Variants in ZC3H6 observed in about 807,000 individuals in gnomAD.
ZC3H6 encodes the protein zinc finger CCCH domain-containing protein 6.
ZC3H6 carries 40 observed loss-of-function variants against 107.7 expected under a neutral mutation model. That is an observed-to-expected ratio of 0.37 (90% CI 0.29 to 0.48). The LOEUF is 0.48. Ranked by LOEUF, ZC3H6 falls within the 20% of genes least tolerant of loss-of-function variation. ZC3H6 has a pLI of 0.98. For synonymous variants in ZC3H6, 493 were observed against 487.9 expected (o/e 1.01, Z -0.14); for missense variants, 1,267 against 1,410.4 (o/e 0.90, Z 1.63).
chr2:112,320,094 G>T (rs1676773574), intron 7 of ZC3H6, among the ~76,000 whole-genome samples: 1 of 151,956 alleles, frequency 6.6e-6, no homozygotes. Context: ...CACCACGCCT[G>T]GCTAATTTTT....
chr2:112,286,608 T>C (rs1686616492), intron 1 of ZC3H6, among the ~76,000 whole-genome samples: 1 of 152,216 alleles, frequency 6.6e-6, no homozygotes, highest in South Asian at 2.1e-4. Context: ...CAGCTAAATT[T>C]TGCATTTTTG....
rs958659144 is a variant in ZC3H6, at chr2:112,333,813, G to A, written c.*1325G>A. On this transcript the variant is annotated 3_prime_UTR_variant, in exon 12 of 12. Transcript: ENST00000409871. Reference sequence around the variant, plus strand: ...GCATTTCACTATAAAAGATAATGAAGTAGGTAATGAAATCAGTCCTTGAAT... The same window carrying A: ...GCATTTCACTATAAAAGATAATGAAATAGGTAATGAAATCAGTCCTTGAAT... 2.0e-5 allele frequency: 3 copies of A among 152,076 alleles called. No homozygotes were observed. Among genetic ancestry groups the A allele is most frequent in the African/African-American group, 7.2e-5 (3 of 41,432 alleles). The allele number at this position is 152,076 out of a possible 1,614,324, so 9.4% of individuals were successfully genotyped here.
intron 11 of ZC3H6, among the ~76,000 whole-genome samples, chr2:112,328,039 G>A (rs1475569087): frequency 2.0e-5 from 3 of 152,026 alleles, no homozygotes; most frequent in Non-Finnish European, 4.4e-5. Context: ...ACAGATGTGC[G>A]CCACCATGCA....
chr2:112,325,119 G>A lies in ZC3H6; in HGVS notation c.2008G>A (p.Val670Ile). ...CCCTGCAGTGCAAAGAGCTCTTTTTGTAAGACTTACTCAGAGATACCAAGA... is the reference window on the plus strand; with the variant it reads ...CCCTGCAGTGCAAAGAGCTCTTTTTATAAGACTTACTCAGAGATACCAAGA... ...LLPAVQRALF[V>I]RLTQRYQEDE... The change falls in exon 11 of 12, where the codon GTA (valine) becomes ATA (isoleucine). Residue 670 changes from valine to isoleucine, a missense_variant. Coordinates refer to ENST00000409871, the MANE Select transcript of ZC3H6 (RefSeq NM_198581.3). 1 of 1,613,988 alleles carries A rather than the reference G, an allele frequency of 6.2e-7. No homozygotes were observed. Among genetic ancestry groups the A allele is most frequent in the Non-Finnish European group, 8.5e-7 (1 of 1,179,884 alleles).
rs1558942682 is a variant in ZC3H6, at chr2:112,276,045, C to T, written c.32+19C>T. 1.3e-6 allele frequency: 2 copies of T among 1,539,262 alleles called. No homozygotes were observed. Among genetic ancestry groups the T allele is most frequent in the Admixed American group, 2.0e-5 (1 of 49,926 alleles). ...ACGACAGGTCGGGAACCCTTCTTGT[C>T]TGTCTTTCTGTCGGATGAGAGGAGG... On this transcript the variant is annotated intron_variant, in intron 1 of 11. Coordinates refer to ENST00000409871, the MANE Select transcript of ZC3H6 (RefSeq NM_198581.3).
Position 112,284,980 on chromosome 2 carries a change from ATTT to A in ZC3H6, c.32+8956_32+8958del, listed in dbSNP as rs559519881. On this transcript the variant is annotated intron_variant, in intron 1 of 11. Transcript: ENST00000409871. ...AAATTAAATATAGTCTTTAGAAATG[ATTT>A]TGTTTAGTATAATTAATACTGGTAT... 3.4e-3 allele frequency among the ~76,000 whole-genome samples: 521 copies of A among 152,314 alleles called. 4 individuals are homozygous for A. Among genetic ancestry groups the A allele is most frequent in the African/African-American group, 0.012 (503 of 41,570 alleles).
At chr2:112,323,031 G>A (rs560390405) in intron 9 of ZC3H6, 129 bp downstream of exon 9, 62 of 971,430 alleles carry the variant, frequency 6.4e-5, no homozygotes, top group Non-Finnish European at 8.8e-5. Flanking sequence ...TGGCATGCAC[G>A]CAGATTGTTG....
intron 1 of ZC3H6, among the ~76,000 whole-genome samples, chr2:112,297,813 G>A (rs1048612610): frequency 6.6e-6 from 1 of 152,154 alleles, no homozygotes; most frequent in Non-Finnish European, 1.5e-5. Context: ...AGTGTTTGTT[G>A]GTAAGAATTA....
intron 4 of ZC3H6, among the ~76,000 whole-genome samples, chr2:112,310,998 A>G (rs1676582166): frequency 6.6e-6 from 1 of 152,250 alleles, no homozygotes; most frequent in African/African-American, 2.4e-5. Flanking sequence ...GTACTGAGCA[A>G]GTTTGTTCCT....
chr2:112,298,355 G>A (rs1676284187), intron 1 of ZC3H6, among the ~76,000 whole-genome samples: 1 of 152,042 alleles, frequency 6.6e-6, no homozygotes, highest in Admixed American at 6.6e-5. Context: ...AGTCATCAAA[G>A]AAAGTAAAAT....
intron 2 of ZC3H6, 146 bp from the exon 3 acceptor site, chr2:112,303,083 C>A: frequency 1.0e-6 from 1 of 993,440 alleles, no homozygotes; most frequent in Non-Finnish European, 1.4e-6. Flanking sequence ...GCCTTTGGGG[C>A]AAGAATTTTT....
rs1375959916 is a variant in ZC3H6 at position 112,338,396 on chromosome 2, T to C, written c.*5908T>C. 6.6e-6 allele frequency: 1 copy of C among 152,226 alleles called. No individual in the cohort carries two copies. Among genetic ancestry groups the C allele is most frequent in the African/African-American group, 2.4e-5 (1 of 41,460 alleles). The allele number at this position is 152,226 out of a possible 1,614,324, so 9.4% of individuals were successfully genotyped here. A position where few individuals can be genotyped will look rare whatever the true frequency, so the allele number is the denominator to read the frequency against. On this transcript the variant is annotated 3_prime_UTR_variant, in exon 12 of 12. Coordinates refer to ENST00000409871, the MANE Select transcript of ZC3H6 (RefSeq NM_198581.3). ...AATTTTGGGTCTTGTATCTGGTCTT[T>C]AAACACCTTTCGTTACCCTTTGGAA...
rs772630078 is a variant in ZC3H6, at chr2:112,338,422, T to A, written c.*5934T>A. On this transcript the variant is annotated 3_prime_UTR_variant, in exon 12 of 12. Coordinates refer to ENST00000409871, the MANE Select transcript of ZC3H6 (RefSeq NM_198581.3). ...AAACACCTTTCGTTACCCTTTGGAA[T>A]AGAACAATCATGCTACTGTTAGCAA... The A allele has an allele frequency of 6.6e-6, 1 of 152,242 alleles. No homozygotes were observed. Among genetic ancestry groups the A allele is most frequent in the East Asian group, 1.9e-4 (1 of 5,206 alleles). The allele number at this position is 152,242 out of a possible 1,614,324, so 9.4% of individuals were successfully genotyped here. A position where few individuals can be genotyped will look rare whatever the true frequency, so the allele number is the denominator to read the frequency against.
At chr2:112,305,733 C>T (rs1024966596) in intron 3 of ZC3H6, among the ~76,000 whole-genome samples, 5 of 152,276 alleles carry the variant, frequency 3.3e-5, no homozygotes, top group African/African-American at 1.2e-4. Flanking sequence ...CAAATTCTCT[C>T]AGTTTTTATT....
At chr2:112,276,106 C>T in intron 1 of ZC3H6, 80 bp downstream of exon 1, 2 of 1,347,982 alleles carry the variant, frequency 1.5e-6, no homozygotes, top group South Asian at 1.3e-5. Flanking sequence ...GGGCCGGGCG[C>T]CTCCTGCATG....
At chr2:112,290,391 C>T (rs989968916) in intron 1 of ZC3H6, among the ~76,000 whole-genome samples, 70 of 152,368 alleles carry the variant, frequency 4.6e-4, no homozygotes, top group Middle Eastern at 3.4e-3. Flanking sequence ...AGTTTATTTA[C>T]GACTTCCTCA....
At chr2:112,304,027 T>C (rs1676431719) in intron 3 of ZC3H6, among the ~76,000 whole-genome samples, 1 of 152,224 alleles carries the variant, frequency 6.6e-6, no homozygotes, top group Non-Finnish European at 1.5e-5. Flanking sequence ...TGTTTACATA[T>C]TATTTACATT....
chr2:112,304,087 A>C (rs1676432689), intron 3 of ZC3H6, among the ~76,000 whole-genome samples: 1 of 152,198 alleles, frequency 6.6e-6, no homozygotes, highest in East Asian at 1.9e-4. Flanking sequence ...ATAATGCCTG[A>C]GGGTTTCAAT....
Position 112,308,180 on chromosome 2 carries a change from G to A in ZC3H6, c.337-1705G>A, listed in dbSNP as rs187083650. The stretch of plus-strand genomic sequence containing the variant: ...ATAAATTCCCTTTTGAACTTCTGAA[G>A]TGCTAGACTAAGAATGGAGTTCATA... On this transcript the variant is annotated intron_variant, in intron 3 of 11. Transcript: ENST00000409871. Among the ~76,000 whole-genome samples the A allele has an allele frequency of 1.8e-4, 27 of 152,136 alleles. No homozygotes were observed. The East Asian group carries it at 5.2e-3, about 29-fold the overall frequency.
Sources: allele counts gnomAD v4.1 joint callset (sites outside exome capture counted in the v4.1 genomes callset), GRCh38; gene constraint gnomAD v4.1.1; transcripts MANE v1.5; gene names NCBI Gene and HGNC (gene_info 2026-07-23, HGNC 2026-07-21).